The following ZNF385D variants were observed in gnomAD, a reference collection of about 807,000 sequenced individuals.
ZNF385D encodes the protein zinc finger protein 385D.
In ZNF385D, 15 loss-of-function variants were observed where a neutral mutation model predicts 35.8. The observed-to-expected ratio is 0.42, with a 90% confidence interval of 0.28 to 0.64. The LOEUF (loss-of-function observed/expected upper bound fraction) is 0.64, where lower values mean the gene tolerates loss of function less well. Ranked by LOEUF, ZNF385D falls within the 30% of genes least tolerant of loss-of-function variation. The pLI is 0.23. For synonymous variants in ZNF385D, 212 were observed against 186.8 expected, an observed-to-expected ratio of 1.13 and a Z score of -1.10; for missense variants, 474 against 494.6, an observed-to-expected ratio of 0.96 and a Z score of 0.39.
chr3:21,626,848 G>T (rs2065147759), intron 2 of ZNF385D, among the ~76,000 whole-genome samples: 1 of 151,990 alleles, frequency 6.6e-6, no homozygotes, highest in Non-Finnish European at 1.5e-5. Flanking sequence ...TTATAAGTAG[G>T]CAGGGATCTC....
chr3:21,605,204 A>G (rs1449246192), intron 2 of ZNF385D, among the ~76,000 whole-genome samples: 1 of 152,122 alleles, frequency 6.6e-6, no homozygotes, highest in South Asian at 2.1e-4. Flanking sequence ...GGGATATTTA[A>G]TTTCTAGGAA....
intron 3 of ZNF385D, among the ~76,000 whole-genome samples, chr3:21,983,128 T>C (rs1028696334): frequency 4.0e-5 from 6 of 149,838 alleles, no homozygotes; most frequent in Non-Finnish European, 8.9e-5. Context: ...GAGGAGTCCC[T>C]CCTCCTCAAT....
chr3:21,917,207 G>A lies in ZNF385D; in HGVS notation c.325+251610C>T, dbSNP rs140698166. Among the ~76,000 whole-genome samples the A allele has an allele frequency of 7.8e-4, 119 of 152,252 alleles. 2 individuals carry two copies. Among genetic ancestry groups the A allele is most frequent in the African/African-American group, 2.7e-3 (114 of 41,542 alleles). ...ACCACTTTGGGAGGCCGAGGTGGAC[G>A]GATCACTTGAGGTCAGGAGTTTGAG... On this transcript the variant is annotated intron_variant, in intron 3 of 5. Transcript: ENST00000494108.
At chr3:21,999,541 T>C (rs1695703686) in intron 3 of ZNF385D, among the ~76,000 whole-genome samples, 1 of 152,170 alleles carries the variant, frequency 6.6e-6, no homozygotes. Context: ...ACTGTATTAT[T>C]CTCTTGAGAA....
intron 3 of ZNF385D, among the ~76,000 whole-genome samples, chr3:21,982,566 G>C (rs1694535285): frequency 6.6e-6 from 1 of 152,078 alleles, no homozygotes; most frequent in South Asian, 2.1e-4. Context: ...CTATTTGGAA[G>C]CCCTTTATTC....
intron 2 of ZNF385D, among the ~76,000 whole-genome samples, chr3:21,637,731 C>G (rs1023800732): frequency 7.2e-5 from 11 of 152,086 alleles, no homozygotes. Flanking sequence ...AAGGAGTTCA[C>G]TTGTTTCTTT....
chr3:21,906,100 A>G (rs1416467202), intron 3 of ZNF385D, among the ~76,000 whole-genome samples: 1 of 152,188 alleles, frequency 6.6e-6, no homozygotes, highest in Non-Finnish European at 1.5e-5. Context: ...CTCATCTTCT[A>G]AAACCCAGCC....
chr3:22,096,682 T>C (rs1701652926), intron 3 of ZNF385D, among the ~76,000 whole-genome samples: 1 of 152,052 alleles, frequency 6.6e-6, no homozygotes, highest in Non-Finnish European at 1.5e-5. Flanking sequence ...AATCTCTTTG[T>C]GATGCAGTCA....
chr3:22,258,537 TG>T (rs1451224920), intron 2 of ZNF385D, among the ~76,000 whole-genome samples: 2 of 151,672 alleles, frequency 1.3e-5, no homozygotes, highest in African/African-American at 4.8e-5. Flanking sequence ...AAGGCCTCTC[TG>T]GGTAGCAGAA....
chr3:21,906,125 A>G (rs528515744), intron 3 of ZNF385D, among the ~76,000 whole-genome samples: 134 of 152,332 alleles, frequency 8.8e-4, no homozygotes, highest in Non-Finnish European at 1.6e-3. Flanking sequence ...AACATTTTGC[A>G]AGGCTATCAG....
chr3:22,115,007 A>T (rs560519535), intron 3 of ZNF385D, among the ~76,000 whole-genome samples: 1 of 152,080 alleles, frequency 6.6e-6, no homozygotes, highest in Non-Finnish European at 1.5e-5. Context: ...GCAAGAAATC[A>T]ATCTCTTCTC....
intron 3 of ZNF385D, among the ~76,000 whole-genome samples, chr3:22,131,277 C>A (rs914743408): frequency 7.2e-5 from 11 of 151,750 alleles, no homozygotes; most frequent in Admixed American, 6.6e-4. Flanking sequence ...CTGAGCTGAC[C>A]TTTGGATTTA....
rs1427507640 is a variant in ZNF385D at position 21,527,269 on chromosome 3, C to A, written c.277-16246G>T. On this transcript the variant is annotated intron_variant, in intron 3 of 7. Transcript: ENST00000281523. ...ATACTGTTACAGTAACCACTGTCTT[C>A]AACATTTCTTCATTTGACGAAGATT... is the stretch of plus-strand genomic sequence containing the variant. 2.0e-5 allele frequency among the ~76,000 whole-genome samples: 3 copies of A among 152,258 alleles called. No homozygotes were observed. The East Asian group carries it at 5.8e-4, about 29-fold the overall frequency.
intron 4 of ZNF385D, among the ~76,000 whole-genome samples, chr3:21,474,341 A>T (rs1264255719): frequency 6.6e-6 from 1 of 152,146 alleles, no homozygotes; most frequent in Non-Finnish European, 1.5e-5. Context: ...CATGAAGACT[A>T]TGTGTCTATA....
chr3:22,244,871 C>G (rs777510020), intron 2 of ZNF385D, among the ~76,000 whole-genome samples: 19 of 142,462 alleles, frequency 1.3e-4, no homozygotes, highest in Non-Finnish European at 7.6e-5. Flanking sequence ...TGTACCCAGT[C>G]AAATAAACAG....
chr3:22,183,957 T>G (rs1331343531), intron 2 of ZNF385D, among the ~76,000 whole-genome samples: 1 of 152,184 alleles, frequency 6.6e-6, no homozygotes, highest in Admixed American at 6.6e-5. Flanking sequence ...AGGTTAAGAT[T>G]TAAGAAATGT....
intron 3 of ZNF385D, among the ~76,000 whole-genome samples, chr3:21,926,034 T>C (rs1700708251): frequency 6.6e-6 from 1 of 152,166 alleles, no homozygotes; most frequent in Admixed American, 6.5e-5. Context: ...ATAGTCGGAA[T>C]GTAAAATAAT....
intron 3 of ZNF385D, among the ~76,000 whole-genome samples, chr3:22,127,380 C>T (rs1703501160): frequency 8.6e-6 from 1 of 115,914 alleles, no homozygotes; most frequent in South Asian, 3.0e-4. Context: ...CACTCTGTCA[C>T]CCAGGCTGGA....
At chr3:21,751,397 G>GCCACCGA, upstream of ZNF385D, 1 of 1,001,524 alleles carries the variant, frequency 1.0e-6, no homozygotes. Flanking sequence ...AAGAGTGTCG[G>GCCACCGA]GATCCACACA....
Sources: gnomAD v4.1 joint callset for allele counts (sites outside exome capture counted in the v4.1 genomes callset) on GRCh38, gnomAD v4.1.1 for gene constraint, MANE v1.5 for transcripts, NCBI Gene and HGNC (gene_info 2026-07-23, HGNC 2026-07-21) for gene names.